ZNRF2: variants seen among roughly 807,000 people sequenced by gnomAD.
The protein encoded by ZNRF2 is zinc and ring finger 2.
ZNRF2 carries 16 observed loss-of-function variants against 20.4 expected under a neutral mutation model. The observed-to-expected ratio is 0.79, with a 90% CI of 0.53 to 1.19. ZNRF2 has a LOEUF of 1.19. Among genes scored for constraint, ZNRF2 ranks in the 50% most tolerant of loss-of-function variants. ZNRF2 has a pLI of 0.00. For missense variants in ZNRF2, 363 were observed against 332.4 expected (o/e 1.09, Z -0.72); for synonymous variants, 178 against 144.9 (o/e 1.23, Z -1.64).
intron 1 of ZNRF2, among the ~76,000 whole-genome samples, chr7:30,315,464 T>C (rs754986650): frequency 6.6e-6 from 1 of 152,030 alleles, no homozygotes; most frequent in Non-Finnish European, 1.5e-5. Flanking sequence ...CTGACTAGTT[T>C]TATGAGTTTT....
intron 4 of ZNRF2, among the ~76,000 whole-genome samples, chr7:30,365,348 A>G (rs183376307): frequency 6.6e-6 from 1 of 151,996 alleles, no homozygotes; most frequent in Non-Finnish European, 1.5e-5. Flanking sequence ...TATGAGTGTT[A>G]TATTTGCTTA....
intron 3 of ZNRF2, among the ~76,000 whole-genome samples, chr7:30,356,982 A>T (rs1284917125): frequency 1.3e-5 from 2 of 152,098 alleles, no homozygotes; most frequent in Non-Finnish European, 2.9e-5. Flanking sequence ...TGGGAATAAC[A>T]TTCTATTTTT....
chr7:30,352,864 T>TA (rs1799980218), intron 2 of ZNRF2, among the ~76,000 whole-genome samples: 1 of 151,902 alleles, frequency 6.6e-6, no homozygotes, highest in African/African-American at 2.4e-5. Flanking sequence ...GGTTTAGTGG[T>TA]ATTTCCAGGT....
At chr7:30,359,743 C>A (rs1301046082) in intron 3 of ZNRF2, among the ~76,000 whole-genome samples, 1 of 152,136 alleles carries the variant, frequency 6.6e-6, no homozygotes, top group African/African-American at 2.4e-5. Flanking sequence ...TTCTGTAAGG[C>A]TAACTTCACC....
At chr7:30,323,559 G>A (rs369709660) in intron 1 of ZNRF2, 83 bp from the exon 2 acceptor site, 12 of 916,784 alleles carry the variant, frequency 1.3e-5, no homozygotes, top group African/African-American at 5.2e-5. Context: ...AGTTTCAAAC[G>A]CTTTTTGATT....
intron 2 of ZNRF2, among the ~76,000 whole-genome samples, chr7:30,336,912 AT>A (rs1276192387): frequency 2.0e-5 from 3 of 152,164 alleles, no homozygotes; most frequent in African/African-American, 7.2e-5. Flanking sequence ...ATATGTATGT[AT>A]TAGAAAACAT....
At chr7:30,298,074 T>C (rs1234449650) in intron 1 of ZNRF2, among the ~76,000 whole-genome samples, 1 of 152,114 alleles carries the variant, frequency 6.6e-6, no homozygotes, top group Non-Finnish European at 1.5e-5. Context: ...TTTATTTGTT[T>C]CTGTAATTTT....
chr7:30,364,904 G>A lies in ZNRF2; in HGVS notation c.*23-1131G>A, dbSNP rs1800185027. 2.0e-5 allele frequency among the ~76,000 whole-genome samples: 3 copies of A among 152,248 alleles called. No individual in the cohort carries two copies. In the South Asian group the frequency reaches 6.2e-4, roughly 32 times the overall value. Reference sequence around the variant, plus strand: ...AAGTCTAAGATCAAGGTTCCAGCCAGTAGATCTGGTGTCTGATGAGGGCTC... The same window carrying A: ...AAGTCTAAGATCAAGGTTCCAGCCAATAGATCTGGTGTCTGATGAGGGCTC... On this transcript the variant is annotated intron_variant, in intron 4 of 4. Transcript: ENST00000323037.
chr7:30,333,265 G>A (rs552277615), intron 2 of ZNRF2, among the ~76,000 whole-genome samples: 37 of 151,912 alleles, frequency 2.4e-4, no homozygotes, highest in African/African-American at 8.2e-4. Context: ...TGTTGGCCAG[G>A]CTGGTCTCGA....
intron 1 of ZNRF2, among the ~76,000 whole-genome samples, chr7:30,310,036 G>C (rs189797778): frequency 2.3e-3 from 353 of 152,282 alleles, no homozygotes; most frequent in African/African-American, 8.3e-3. Flanking sequence ...GTCAAGAGCA[G>C]ATGCATAGAG....
intron 2 of ZNRF2, among the ~76,000 whole-genome samples, chr7:30,348,453 A>G (rs1334332764): frequency 6.6e-6 from 1 of 152,200 alleles, no homozygotes; most frequent in East Asian, 1.9e-4. Context: ...CATAGAATTT[A>G]CCCTGTTTCT....
At chr7:30,285,925 C>T (rs1001538208) in intron 1 of ZNRF2, 99 bp downstream of exon 1, 42 of 1,324,700 alleles carry the variant, frequency 3.2e-5, no homozygotes, top group Non-Finnish European at 3.6e-5. Context: ...TCTCCTTCTG[C>T]CGGGGCGCCG....
chr7:30,329,812 AT>A (rs1238328440), intron 2 of ZNRF2, among the ~76,000 whole-genome samples: 3 of 152,150 alleles, frequency 2.0e-5, no homozygotes, highest in East Asian at 3.8e-4. Flanking sequence ...TTTCTTTTGG[AT>A]ATATATCCAG....
intron 3 of ZNRF2, among the ~76,000 whole-genome samples, chr7:30,360,624 G>A (rs1044162824): frequency 1.2e-4 from 19 of 152,046 alleles, no homozygotes; most frequent in African/African-American, 3.4e-4. Flanking sequence ...CCCGGGAGGC[G>A]GCAGAGTTTG....
At chr7:30,293,450 T>C (rs1274540159) in intron 1 of ZNRF2, among the ~76,000 whole-genome samples, 1 of 152,158 alleles carries the variant, frequency 6.6e-6, no homozygotes, top group Non-Finnish European at 1.5e-5. Flanking sequence ...GGTTTTGCCA[T>C]GTTGGCCAGG....
chr7:30,309,707 T>C (rs868458410), intron 1 of ZNRF2, among the ~76,000 whole-genome samples: 45 of 152,340 alleles, frequency 3.0e-4, no homozygotes, highest in African/African-American at 9.9e-4. Context: ...TAACCTGTTA[T>C]TAAGCAGTAC....
At chr7:30,348,174 T>TAA (rs551400861) in intron 2 of ZNRF2, among the ~76,000 whole-genome samples, 7,043 of 114,856 alleles carry the variant, frequency 0.061, 484 homozygotes, top group African/African-American at 0.17. Flanking sequence ...TTAAAAATGT[T>TAA]AAAAAAAAAA....
intron 2 of ZNRF2, among the ~76,000 whole-genome samples, chr7:30,337,253 A>G (rs565638124): frequency 6.6e-6 from 1 of 152,226 alleles, no homozygotes; most frequent in South Asian, 2.1e-4. Context: ...TTTTAGCCTT[A>G]TATTCACTTT....
At chr7:30,294,995 G>C (rs1452731006) in intron 1 of ZNRF2, among the ~76,000 whole-genome samples, 1 of 149,764 alleles carries the variant, frequency 6.7e-6, no homozygotes, top group Non-Finnish European at 1.5e-5. Flanking sequence ...GAGGGGGACA[G>C]AGAGAGAGAG....
Sources: gnomAD v4.1 joint callset for allele counts (sites outside exome capture counted in the v4.1 genomes callset) on GRCh38, gnomAD v4.1.1 for gene constraint, MANE v1.5 for transcripts, NCBI Gene and HGNC (gene_info 2026-07-23, HGNC 2026-07-21) for gene names.